The following FMN1 variants were observed in gnomAD, a reference collection of about 807,000 sequenced individuals.
The protein encoded by FMN1 is formin 1.
A neutral mutation model predicts 132.4 loss-of-function variants in FMN1; 110 were observed. The observed-to-expected ratio is 0.83, with a 90% CI of 0.71 to 0.97. The LOEUF is 0.97. Among genes scored for constraint, FMN1 ranks in the 50% least tolerant of loss-of-function variants. FMN1 has a pLI of 0.00. For missense variants in FMN1, 1,792 were observed against 1,705.3 expected, an observed-to-expected ratio of 1.05 and a Z score of -0.90; for synonymous variants, 722 against 651.7, an observed-to-expected ratio of 1.11 and a Z score of -1.64.
At chr15:32,930,349 C>T (rs1018047583) in intron 9 of FMN1, among the ~76,000 whole-genome samples, 1 of 151,946 alleles carries the variant, frequency 6.6e-6, no homozygotes, top group South Asian at 2.1e-4. Context: ...TTTTACATTT[C>T]CACCAACAGT....
At chr15:32,800,090 C>T (rs1025349567) in intron 18 of FMN1, among the ~76,000 whole-genome samples, 2 of 152,062 alleles carry the variant, frequency 1.3e-5, no homozygotes. Context: ...ATCTCATTCT[C>T]GGTTATTGGG....
chr15:33,124,214 G>T (rs1382367929), intron 4 of FMN1, among the ~76,000 whole-genome samples: 1 of 152,104 alleles, frequency 6.6e-6, no homozygotes, highest in Non-Finnish European at 1.5e-5. Context: ...AGAAAAGTGA[G>T]GTGATGTTAA....
At chr15:32,775,015 C>T (rs1346189289) in intron 20 of FMN1, among the ~76,000 whole-genome samples, 4 of 152,106 alleles carry the variant, frequency 2.6e-5, no homozygotes, top group Non-Finnish European at 5.9e-5. Flanking sequence ...GGGAAGCACA[C>T]ATATCAGTAT....
chr15:32,820,869 T>C (rs2058193765), intron 17 of FMN1, among the ~76,000 whole-genome samples: 2 of 152,190 alleles, frequency 1.3e-5, no homozygotes, highest in African/African-American at 4.8e-5. Context: ...ACGTTTATCA[T>C]TTTTAAATTT....
intron 9 of FMN1, among the ~76,000 whole-genome samples, chr15:32,963,821 T>G (rs1039008260): frequency 6.6e-5 from 10 of 152,212 alleles, no homozygotes; most frequent in Non-Finnish European, 1.2e-4. Context: ...GGCACAGATT[T>G]CATGAACTAT....
At chr15:33,120,074 G>A (rs867588943) in intron 4 of FMN1, among the ~76,000 whole-genome samples, 7 of 151,788 alleles carry the variant, frequency 4.6e-5, no homozygotes, top group South Asian at 4.2e-4. Flanking sequence ...TCAATTTGAG[G>A]TTACAATGTT....
At chr15:33,151,517 T>C in intron 4 of FMN1, 1 of 788,648 alleles carries the variant, frequency 1.3e-6, no homozygotes, top group African/African-American at 1.7e-5. Context: ...GTGCCTGCCT[T>C]GATCCAGATA....
intron 9 of FMN1, among the ~76,000 whole-genome samples, chr15:32,932,244 C>G (rs2061139206): frequency 1.3e-5 from 2 of 152,018 alleles, no homozygotes; most frequent in South Asian, 4.1e-4. Flanking sequence ...ACTAAAAATA[C>G]AAAAAATTAG....
Position 33,138,736 on chromosome 15 carries a change from G to A in FMN1, c.1867+14312C>T, listed in dbSNP as rs16965476. Among the ~76,000 whole-genome samples the A allele has an allele frequency of 4.6e-3, 694 of 152,176 alleles. 5 individuals carry two copies. Among genetic ancestry groups the A allele is most frequent in the African/African-American group, 0.015 (640 of 41,518 alleles). On this transcript the variant is annotated intron_variant, in intron 4 of 20. Coordinates refer to ENST00000616417, the MANE Select transcript of FMN1 (RefSeq NM_001277313.2). ...AGGGCTCCAATCTGGCTCAGATATC[G>A]GTTCACATCATCATGCTATGTCCCT...
At chr15:32,798,216 A>ACACACACCCCC (rs1286307994) in intron 19 of FMN1, among the ~76,000 whole-genome samples, 9 of 140,876 alleles carry the variant, frequency 6.4e-5, no homozygotes, top group African/African-American at 2.3e-4. Flanking sequence ...ACACACACAC[A>ACACACACCCCC]CCCCGTCTAT....
At chr15:33,005,243 C>A (rs908131776) in intron 7 of FMN1, among the ~76,000 whole-genome samples, 1 of 151,514 alleles carries the variant, frequency 6.6e-6, no homozygotes, top group Non-Finnish European at 1.5e-5. Context: ...GATGTACCAC[C>A]CAGATGGCAA....
At chr15:33,028,325 T>TA (rs758976878) in intron 6 of FMN1, among the ~76,000 whole-genome samples, 101 of 152,244 alleles carry the variant, frequency 6.6e-4, no homozygotes, top group Middle Eastern at 3.4e-3. Flanking sequence ...AGTAAGCTCC[T>TA]ACATTTGACT....
At position 32,926,392 on chromosome 15, in the gene FMN1, T is replaced by C; in HGVS notation, c.3139-131A>G. On this transcript the variant is annotated intron_variant, in intron 9 of 20. Coordinates refer to ENST00000616417, the MANE Select transcript of FMN1 (RefSeq NM_001277313.2). ...ACTAAATTGATGCTGCATGCACTCT[T>C]TAAATAATACTTAATTGGGAAGTAA... The C allele has an allele frequency of 1.6e-5, 9 of 561,092 alleles. 1 individual carries two copies. In the South Asian group the frequency reaches 2.4e-4, roughly 15 times the overall value. 34.8% of individuals were successfully genotyped at this position (561,092 alleles called of 1,614,324 possible). A position where few individuals can be genotyped will look rare whatever the true frequency, so the allele number is the denominator to read the frequency against.
At chr15:33,006,112 T>C (rs1461251796) in intron 7 of FMN1, among the ~76,000 whole-genome samples, 1 of 152,196 alleles carries the variant, frequency 6.6e-6, no homozygotes, top group Non-Finnish European at 1.5e-5. Context: ...AAAAGCACAT[T>C]ATCATTCATT....
chr15:32,959,528 A>G (rs1171004703), intron 9 of FMN1, among the ~76,000 whole-genome samples: 1 of 152,232 alleles, frequency 6.6e-6, no homozygotes, highest in Non-Finnish European at 1.5e-5. Context: ...CACAAAGCTC[A>G]GTAGACCCAA....
intron 10 of FMN1, among the ~76,000 whole-genome samples, chr15:32,923,738 G>T (rs1420210023): frequency 6.6e-6 from 1 of 152,174 alleles, no homozygotes; most frequent in Admixed American, 6.5e-5. Flanking sequence ...GAATGCCATG[G>T]GAAAGTTTAC....
intron 16 of FMN1, among the ~76,000 whole-genome samples, chr15:32,879,548 C>G (rs2059714083): frequency 6.6e-6 from 1 of 152,160 alleles, no homozygotes; most frequent in African/African-American, 2.4e-5. Flanking sequence ...GACTGCAAGG[C>G]CTCTCAGGAA....
chr15:32,823,477 G>T (rs956986993), intron 17 of FMN1, among the ~76,000 whole-genome samples: 2 of 152,000 alleles, frequency 1.3e-5, no homozygotes, highest in Non-Finnish European at 2.9e-5. Context: ...AGTTTCTATC[G>T]TTATTGCCTA....
intron 4 of FMN1, among the ~76,000 whole-genome samples, chr15:33,135,668 ACT>A (rs1427909641): frequency 6.6e-6 from 1 of 151,756 alleles, no homozygotes; most frequent in Non-Finnish European, 1.5e-5. Context: ...GTAAGATGGG[ACT>A]CTCTCTGTTG....
Sources: gnomAD v4.1 joint callset for allele counts (sites outside exome capture counted in the v4.1 genomes callset) on GRCh38, gnomAD v4.1.1 for gene constraint, MANE v1.5 for transcripts, NCBI Gene and HGNC (gene_info 2026-07-23, HGNC 2026-07-21) for gene names.